Variants in KCNN2 observed in about 807,000 individuals in gnomAD.
The protein encoded by KCNN2 is small conductance calcium-activated potassium channel protein 2.
KCNN2 carries 24 observed loss-of-function variants against 55.5 expected under a neutral mutation model. The observed-to-expected ratio is 0.43, with a 90% CI of 0.31 to 0.61. The LOEUF (loss-of-function observed/expected upper bound fraction) is 0.61, where lower values mean the gene tolerates loss of function less well. Among genes scored for constraint, KCNN2 ranks in the 20% least tolerant of loss-of-function variants. KCNN2 has a pLI of 0.08. For synonymous variants in KCNN2, 431 were observed against 336.1 expected, an observed-to-expected ratio of 1.28 and a Z score of -3.09; for missense variants, 754 against 853.6, an observed-to-expected ratio of 0.88 and a Z score of 1.45.
chr5:114,358,944 G>T (rs897901648), upstream of KCNN2, among the ~76,000 whole-genome samples: 2 of 152,200 alleles, frequency 1.3e-5, no homozygotes, highest in African/African-American at 4.8e-5. Flanking sequence ...TAACCTAATA[G>T]TGTAAAATGC....
intron 2 of KCNN2, among the ~76,000 whole-genome samples, chr5:114,272,028 G>A (rs1164362001): frequency 6.6e-6 from 1 of 152,070 alleles, no homozygotes. Context: ...GGGAATTTTG[G>A]TTGTGCTTTT....
At chr5:114,183,746 A>G (rs1435083148) in intron 1 of KCNN2, among the ~76,000 whole-genome samples, 1 of 150,846 alleles carries the variant, frequency 6.6e-6, no homozygotes. Context: ...TTTCTTTTTA[A>G]CTTGATCAGA....
At chr5:114,232,925 G>GTTTTTTTTGTTTTTTTTTTTTTT (rs554932578) in intron 2 of KCNN2, among the ~76,000 whole-genome samples, 2 of 76,276 alleles carry the variant, frequency 2.6e-5, no homozygotes, top group African/African-American at 9.1e-5. Flanking sequence ...ATTGTTTCTT[G>GTTTTTTTTGTTTTTTTTTTTTTT]TTTTTTTTTT....
intron 2 of KCNN2, among the ~76,000 whole-genome samples, chr5:114,365,101 G>A (rs72799681): frequency 0.18 from 27,019 of 152,006 alleles, 2,895 homozygotes; most frequent in Middle Eastern, 0.28. Context: ...AAGTAAATAT[G>A]GAAGAAATCG....
At chr5:114,277,419 T>C (rs1455226223) in intron 2 of KCNN2, among the ~76,000 whole-genome samples, 1 of 152,226 alleles carries the variant, frequency 6.6e-6, no homozygotes, top group Non-Finnish European at 1.5e-5. Context: ...TTGGATAATA[T>C]CCTGAAGAGC....
intron 1 of KCNN2, among the ~76,000 whole-genome samples, chr5:114,148,514 G>C (rs1350678037): frequency 6.6e-6 from 1 of 152,182 alleles, no homozygotes; most frequent in East Asian, 1.9e-4. Context: ...CAGAGGAAGA[G>C]AAGGAGAGTG....
rs1284851123 is a variant in KCNN2 at position 114,496,295 on chromosome 5, A to G, written c.*113A>G. 27 of 1,188,194 alleles carry G rather than the reference A, an allele frequency of 2.3e-5. No homozygotes were observed. Among genetic ancestry groups the G allele is most frequent in the Non-Finnish European group, 3.1e-5 (27 of 863,274 alleles). 73.6% of individuals were successfully genotyped at this position (1,188,194 alleles called of 1,614,324 possible). On this transcript the variant is annotated 3_prime_UTR_variant, in exon 8 of 8. Coordinates refer to ENST00000673685, the MANE Select transcript of KCNN2 (RefSeq NM_021614.4). ...TCAGCGTTATCCGGGTTCTGATGTC[A>G]GAATCCTGGGAACCTGAACACTAAG...
In KCNN2 at chr5:114,496,304, G is replaced by A. The variant is rs761780918; in HGVS notation, c.*122G>A. The stretch of plus-strand genomic sequence containing the variant: ...TCCGGGTTCTGATGTCAGAATCCTG[G>A]GAACCTGAACACTAAGTTTTAGGCC... On this transcript the variant is annotated 3_prime_UTR_variant, in exon 8 of 8. Transcript: ENST00000673685. The A allele has an allele frequency of 8.1e-6, 9 of 1,111,980 alleles. No individual in the cohort carries two copies. The highest frequency in any genetic ancestry group is 1.1e-5 in the Non-Finnish European group (9 of 798,548). The allele number at this position is 1,111,980 out of a possible 1,614,324, so 68.9% of individuals were successfully genotyped here.
chr5:114,163,807 T>C (rs972389944), intron 1 of KCNN2, among the ~76,000 whole-genome samples: 6 of 152,218 alleles, frequency 3.9e-5, no homozygotes, highest in African/African-American at 1.4e-4. Flanking sequence ...TGAAGTGCTT[T>C]ACAAAATACT....
rs540075314 is a variant in KCNN2, at chr5:114,237,575, GA to G, written c.-185+16013del. On this transcript the variant is annotated intron_variant, in intron 2 of 10. Transcript: ENST00000512097. ...TTAGTAGATCCCCCGCCATGACTAAGAAAGCAGCTTCACTTTTATCTCTAAA... is the reference window on the plus strand; with the variant it reads ...TTAGTAGATCCCCCGCCATGACTAAGAAGCAGCTTCACTTTTATCTCTAAA... Among the ~76,000 whole-genome samples the G allele has an allele frequency of 3.5e-4, 53 of 152,234 alleles. No individual in the cohort carries two copies. The South Asian group carries it at 0.011, about 32-fold the overall frequency.
At chr5:114,212,888 A>G (rs1040739972) in intron 1 of KCNN2, among the ~76,000 whole-genome samples, 7 of 152,054 alleles carry the variant, frequency 4.6e-5, no homozygotes, top group Non-Finnish European at 1.0e-4. Context: ...ACGATAAATT[A>G]TGTGAATGTT....
At chr5:114,066,466 T>C (rs751009384) in intron 1 of KCNN2, among the ~76,000 whole-genome samples, 3 of 152,256 alleles carry the variant, frequency 2.0e-5, no homozygotes, top group African/African-American at 4.8e-5. Context: ...TTAAAAATGC[T>C]GTATCAGAAA....
At chr5:114,218,060 C>T (rs942821455) in intron 1 of KCNN2, among the ~76,000 whole-genome samples, 15 of 152,168 alleles carry the variant, frequency 9.9e-5, no homozygotes, top group African/African-American at 3.6e-4. Context: ...TACACAAGTA[C>T]TGAAATTGTT....
chr5:114,313,825 C>A (rs560463643), intron 2 of KCNN2, among the ~76,000 whole-genome samples: 1 of 152,116 alleles, frequency 6.6e-6, no homozygotes, highest in East Asian at 1.9e-4. Context: ...AAAGTTTACT[C>A]ATGGAAAAGG....
At chr5:114,318,957 G>A (rs944123977) in intron 2 of KCNN2, among the ~76,000 whole-genome samples, 4 of 151,034 alleles carry the variant, frequency 2.6e-5, no homozygotes, top group African/African-American at 9.7e-5. Context: ...GGTAAACTGA[G>A]GCTCAAAGAT....
At chr5:114,456,262 G>A (rs932248893) in intron 3 of KCNN2, among the ~76,000 whole-genome samples, 5 of 152,120 alleles carry the variant, frequency 3.3e-5, no homozygotes, top group African/African-American at 4.8e-5. Context: ...ACCTAGGGCC[G>A]TTAAGAATTA....
intron 3 of KCNN2, among the ~76,000 whole-genome samples, chr5:114,417,110 A>G (rs1561617857): frequency 6.6e-6 from 1 of 152,224 alleles, no homozygotes; most frequent in Admixed American, 6.5e-5. Flanking sequence ...ACGAAATGAA[A>G]CATCCAGTAG....
intron 3 of KCNN2, among the ~76,000 whole-genome samples, chr5:114,449,578 C>T (rs1399666938): frequency 6.6e-6 from 1 of 152,136 alleles, no homozygotes; most frequent in Non-Finnish European, 1.5e-5. Flanking sequence ...CATTAGGATG[C>T]ACTGCTGTGG....
intron 2 of KCNN2, among the ~76,000 whole-genome samples, chr5:114,277,504 A>G (rs532630110): frequency 6.6e-6 from 1 of 152,300 alleles, no homozygotes; most frequent in East Asian, 1.9e-4. Context: ...CTTTTCACAT[A>G]GTCCCATATT....
Sources: gnomAD v4.1 joint callset for allele counts (sites outside exome capture counted in the v4.1 genomes callset) on GRCh38, gnomAD v4.1.1 for gene constraint, MANE v1.5 for transcripts, NCBI Gene and HGNC (gene_info 2026-07-23, HGNC 2026-07-21) for gene names.